Variants in ADARB2 observed in about 807,000 individuals in gnomAD.
ADARB2 encodes adenosine deaminase RNA specific B2 (inactive).
ADARB2 carries 25 observed loss-of-function variants against 62.2 expected under a neutral mutation model. The ratio of observed to expected loss-of-function variants is 0.40; its 90% CI spans 0.29 to 0.56. ADARB2 has a LOEUF of 0.56. Ranked by LOEUF, ADARB2 falls within the 20% of genes least tolerant of loss-of-function variation. The pLI is 0.43. For missense variants in ADARB2, 1,071 were observed against 1,077.4 expected (o/e 0.99, Z 0.08); for synonymous variants, 572 against 500.8 (o/e 1.14, Z -1.90).
At chr10:1,730,939 T>C (rs777341610) in intron 1 of ADARB2, among the ~76,000 whole-genome samples, 4 of 152,150 alleles carry the variant, frequency 2.6e-5, no homozygotes, top group Admixed American at 1.3e-4. Context: ...AATAATACAA[T>C]GTAATTATTT....
intron 8 of ADARB2, among the ~76,000 whole-genome samples, chr10:1,194,990 CTTAAT>C (rs1193855475): frequency 6.6e-6 from 1 of 152,182 alleles, no homozygotes; most frequent in Non-Finnish European, 1.5e-5. Context: ...AGAGGACCAT[CTTAAT>C]TTAAGTCAGG....
intron 1 of ADARB2, among the ~76,000 whole-genome samples, chr10:1,554,463 G>A (rs1418654956): frequency 2.0e-5 from 3 of 152,104 alleles, no homozygotes; most frequent in Admixed American, 6.5e-5. Context: ...AACACACCAA[G>A]AACCTCTGCC....
At chr10:1,533,288 C>T (rs1164073004) in intron 1 of ADARB2, among the ~76,000 whole-genome samples, 2 of 142,614 alleles carry the variant, frequency 1.4e-5, no homozygotes, top group South Asian at 2.3e-4. Context: ...CTGGCTCATT[C>T]TTTTTTTTTT....
chr10:1,687,029 C>CTTTT lies in ADARB2; in HGVS notation c.100+50018_100+50021dup, dbSNP rs397952487. On this transcript the variant is annotated intron_variant, in intron 1 of 9. Transcript: ENST00000381312. ...TGCCTCCCATGGGTCATGACATTGC[C>CTTTT]TTTTTTTTTTTTTTTTTTGACAAGT... 3.5e-3 allele frequency among the ~76,000 whole-genome samples: 453 copies of CTTTT among 128,982 alleles called. 8 individuals carry two copies. Among genetic ancestry groups the CTTTT allele is most frequent in the African/African-American group, 0.012 (409 of 33,806 alleles). 84.6% of individuals were successfully genotyped at this position (128,982 alleles called of 152,430 possible).
chr10:1,369,299 G>T (rs1191115176), intron 2 of ADARB2, among the ~76,000 whole-genome samples: 8 of 152,184 alleles, frequency 5.3e-5, no homozygotes, highest in African/African-American at 1.9e-4. Flanking sequence ...TTGATGGAAA[G>T]CTATTGTTGA....
At chr10:1,250,867 G>C (rs1831031973) in intron 4 of ADARB2, among the ~76,000 whole-genome samples, 1 of 152,196 alleles carries the variant, frequency 6.6e-6, no homozygotes, top group African/African-American at 2.4e-5. Context: ...TCCATGCCAG[G>C]TCACTGTGGG....
intron 1 of ADARB2, among the ~76,000 whole-genome samples, chr10:1,482,314 A>C (rs2138689): frequency 3.9e-5 from 6 of 152,064 alleles, no homozygotes; most frequent in African/African-American, 1.4e-4. Flanking sequence ...CAACAGCCAA[A>C]AGGTAGAAAC....
intron 4 of ADARB2, among the ~76,000 whole-genome samples, 172 bp from the exon 5 acceptor site, chr10:1,242,471 A>G (rs1830935444): frequency 6.6e-6 from 1 of 152,186 alleles, no homozygotes; most frequent in Non-Finnish European, 1.5e-5. Flanking sequence ...GTCACGGGTG[A>G]CCGCCCGCCT....
intron 1 of ADARB2, among the ~76,000 whole-genome samples, chr10:1,571,564 G>T (rs551586886): frequency 3.3e-5 from 5 of 152,238 alleles, no homozygotes; most frequent in South Asian, 2.1e-4. Context: ...AGCCAGATAC[G>T]TGGGTATCAG....
At chr10:1,254,846 C>T (rs1043065242) in intron 4 of ADARB2, among the ~76,000 whole-genome samples, 3 of 152,226 alleles carry the variant, frequency 2.0e-5, no homozygotes, top group African/African-American at 7.2e-5. Flanking sequence ...AAAACCCACT[C>T]TGTGGGCATC....
chr10:1,717,433 C>T (rs757071434), intron 1 of ADARB2, among the ~76,000 whole-genome samples: 10 of 151,754 alleles, frequency 6.6e-5, no homozygotes, highest in South Asian at 2.1e-4. Context: ...TCAGACCCTG[C>T]GCGAGAAGGG....
intron 3 of ADARB2, among the ~76,000 whole-genome samples, chr10:1,284,500 A>G (rs1831396107): frequency 6.6e-6 from 1 of 152,224 alleles, no homozygotes; most frequent in Non-Finnish European, 1.5e-5. Context: ...CAGCACGGGT[A>G]GCACCCTGCG....
chr10:1,621,273 C>T (rs1395676731), intron 1 of ADARB2, among the ~76,000 whole-genome samples: 1 of 152,108 alleles, frequency 6.6e-6, no homozygotes, highest in African/African-American at 2.4e-5. Flanking sequence ...AGCAAGATTG[C>T]AGGACATATG....
At chr10:1,431,785 C>T (rs769494755) in intron 1 of ADARB2, among the ~76,000 whole-genome samples, 15 of 152,188 alleles carry the variant, frequency 9.9e-5, no homozygotes, top group Non-Finnish European at 1.9e-4. Context: ...TACTACAGAA[C>T]GTGTAGTTTT....
intron 3 of ADARB2, among the ~76,000 whole-genome samples, chr10:1,301,135 G>C (rs965675624): frequency 6.6e-6 from 1 of 152,210 alleles, no homozygotes; most frequent in East Asian, 1.9e-4. Flanking sequence ...ACGCTTTCTT[G>C]TCTCTTCAGT....
intron 1 of ADARB2, among the ~76,000 whole-genome samples, chr10:1,402,731 A>G (rs1361618128): frequency 6.6e-6 from 1 of 151,940 alleles, no homozygotes; most frequent in Admixed American, 6.5e-5. Context: ...TCCTGAGTGG[A>G]TGAGGCTGAC....
chr10:1,243,393 C>T (rs1204923989), intron 4 of ADARB2, among the ~76,000 whole-genome samples: 2 of 152,202 alleles, frequency 1.3e-5, no homozygotes, highest in African/African-American at 4.8e-5. Context: ...AGGCCTCCCT[C>T]CCATCTTAAA....
intron 3 of ADARB2, among the ~76,000 whole-genome samples, chr10:1,352,993 C>A (rs928255550): frequency 2.6e-5 from 4 of 152,268 alleles, no homozygotes; most frequent in Middle Eastern, 3.4e-3. Flanking sequence ...TACAAGCCAC[C>A]AGCCCTCCTC....
intron 1 of ADARB2, among the ~76,000 whole-genome samples, chr10:1,639,785 C>T (rs935892807): frequency 3.3e-5 from 5 of 152,006 alleles, no homozygotes; most frequent in East Asian, 1.9e-4. Flanking sequence ...GAGGTTGCAG[C>T]GAGCGGAGAT....
Sources: allele counts gnomAD v4.1 joint callset (sites outside exome capture counted in the v4.1 genomes callset), GRCh38; gene constraint gnomAD v4.1.1; transcripts MANE v1.5; gene names NCBI Gene and HGNC (gene_info 2026-07-23, HGNC 2026-07-21).